Variants in NEO1 observed in about 807,000 individuals in gnomAD.
NEO1 encodes neogenin.
NEO1 carries 63 observed loss-of-function variants against 159.7 expected under a neutral mutation model. That is an observed-to-expected ratio of 0.39 (90% CI 0.32 to 0.49). The LOEUF is 0.49. Among genes scored for constraint, NEO1 ranks in the 20% least tolerant of loss-of-function variants. NEO1 has a pLI of 0.85. For synonymous variants in NEO1, 633 were observed against 662.0 expected (o/e 0.96, Z 0.67); for missense variants, 1,615 against 1,831.0 (o/e 0.88, Z 2.15).
Position 73,258,775 on chromosome 15 carries a change from G to T in NEO1, c.2102G>T (p.Arg701Leu), listed in dbSNP as rs147881215. The T allele has an allele frequency of 2.2e-5, 35 of 1,613,578 alleles. No homozygotes were observed. Among genetic ancestry groups the T allele is most frequent in the African/African-American group, 5.3e-5 (4 of 75,002 alleles). ...QLSQLIEGLDRGTEYNFRVAA... is the reference protein window; with the variant it reads ...QLSQLIEGLDLGTEYNFRVAA... ...TGTCATTTGGTCTCAGGTCTTGATCGGGGGACTGAGTATAATTTCCGAGTG... is the reference window on the plus strand; with the variant it reads ...TGTCATTTGGTCTCAGGTCTTGATCTGGGGACTGAGTATAATTTCCGAGTG... The change falls in exon 14 of 29, where the codon CGG becomes CTG. Residue 701 changes from arginine (R) to leucine (L), a missense_variant. Physicochemically the swap from Arg to Leu is moderately radical, Grantham distance 102 (BLOSUM62 -2). Coordinates refer to ENST00000261908, the MANE Select transcript of NEO1 (RefSeq NM_002499.4).
At chr15:73,285,329 A>G (rs950657671) in intron 23 of NEO1, among the ~76,000 whole-genome samples, 2 of 152,170 alleles carry the variant, frequency 1.3e-5, no homozygotes, top group Non-Finnish European at 2.9e-5. Flanking sequence ...CATGTTGGCC[A>G]GGCTGGTGTC....
At chr15:73,300,347 A>AC (rs2042562796) in intron 27 of NEO1, among the ~76,000 whole-genome samples, 1 of 152,230 alleles carries the variant, frequency 6.6e-6, no homozygotes, top group Non-Finnish European at 1.5e-5. Flanking sequence ...TGTCTCAAGA[A>AC]CCAGTTTGTC....
intron 2 of NEO1, among the ~76,000 whole-genome samples, chr15:73,118,757 C>G (rs1238855896): frequency 6.6e-6 from 1 of 152,110 alleles, no homozygotes; most frequent in Non-Finnish European, 1.5e-5. Context: ...CCCTAGGTAT[C>G]AGGAGTAAAT....
chr15:73,106,577 A>G (rs2070704987), intron 1 of NEO1, among the ~76,000 whole-genome samples: 1 of 152,172 alleles, frequency 6.6e-6, no homozygotes, highest in Non-Finnish European at 1.5e-5. Flanking sequence ...CAATAACTAC[A>G]TGTCACACAT....
Position 73,258,825 on chromosome 15 carries a change from G to A in NEO1, c.2152G>A (p.Gly718Ser), listed in dbSNP as rs1231685993. Residue 718 changes from glycine (G) to serine (S), a missense_variant, in exon 14 of 29, where the codon GGC (glycine) becomes AGC (serine). Gly to Ser is a moderately conservative substitution (Grantham distance 56). Around this residue, in one of 3 missense-constraint regions of NEO1, gnomAD observed 1,018 missense variants for 1,115.4 expected, o/e 0.91. Coordinates refer to ENST00000261908, the MANE Select transcript of NEO1 (RefSeq NM_002499.4). ...RVAALTINGT[G>S]PATDWLSAET... ...GGCTGCTCTAACAATCAATGGTACA[G>A]GCCCGGCAACTGACTGGCTGTCTGC... is the stretch of plus-strand genomic sequence containing the variant. The A allele has an allele frequency of 5.6e-6, 9 of 1,613,808 alleles. No individual in the cohort carries two copies. Among genetic ancestry groups the A allele is most frequent in the African/African-American group, 1.3e-5 (1 of 74,912 alleles).
chr15:73,088,033 C>T (rs1401456173), intron 1 of NEO1, among the ~76,000 whole-genome samples: 1 of 151,980 alleles, frequency 6.6e-6, no homozygotes, highest in Non-Finnish European at 1.5e-5. Context: ...TGCTCACACA[C>T]ATTGCTAAAT....
At chr15:73,061,739 A>G (rs2067988912) in intron 1 of NEO1, among the ~76,000 whole-genome samples, 1 of 152,206 alleles carries the variant, frequency 6.6e-6, no homozygotes, top group African/African-American at 2.4e-5. Context: ...GCTATGGTCT[A>G]TTTTATATAT....
chr15:73,071,934 T>G (rs964236921), intron 1 of NEO1, among the ~76,000 whole-genome samples: 1 of 125,464 alleles, frequency 8.0e-6, no homozygotes, highest in African/African-American at 3.4e-5. Context: ...GCTTTTAATT[T>G]AATTTTGTTT....
chr15:73,183,200 G>A (rs1028440130), intron 7 of NEO1, among the ~76,000 whole-genome samples: 2 of 152,136 alleles, frequency 1.3e-5, no homozygotes, highest in African/African-American at 4.8e-5. Flanking sequence ...ATCTGCAGCT[G>A]CAGAGAGAGA....
At chr15:73,267,236 C>T (rs773400865) in intron 16 of NEO1, among the ~76,000 whole-genome samples, 2 of 151,940 alleles carry the variant, frequency 1.3e-5, no homozygotes, top group African/African-American at 2.4e-5. Context: ...CCAGGCTAGG[C>T]GACAGAGAGA....
intron 1 of NEO1, among the ~76,000 whole-genome samples, chr15:73,101,544 G>A (rs923481384): frequency 3.9e-5 from 6 of 152,174 alleles, no homozygotes; most frequent in African/African-American, 1.4e-4. Flanking sequence ...AGACTGCAAA[G>A]CTCTCTTTGG....
intron 5 of NEO1, among the ~76,000 whole-genome samples, chr15:73,157,146 C>T (rs1454101003): frequency 6.6e-6 from 1 of 152,166 alleles, no homozygotes; most frequent in African/African-American, 2.4e-5. Context: ...CAGCTTAATC[C>T]CAAGCCTCCA....
chr15:73,226,832 T>G (rs77573470), intron 7 of NEO1, among the ~76,000 whole-genome samples: 2,070 of 152,302 alleles, frequency 0.014, 19 homozygotes, highest in Middle Eastern at 0.017. Flanking sequence ...CTTAGAAATT[T>G]TTAAAGAAAT....
At chr15:73,211,590 G>T (rs185355012) in intron 7 of NEO1, among the ~76,000 whole-genome samples, 1 of 152,070 alleles carries the variant, frequency 6.6e-6, no homozygotes, top group Non-Finnish European at 1.5e-5. Context: ...TGGCACATGC[G>T]TGTATTCCCA....
At chr15:73,258,947 G>A in intron 14 of NEO1, 71 bp downstream of exon 14, 1 of 1,332,400 alleles carries the variant, frequency 7.5e-7, no homozygotes, top group Non-Finnish European at 1.1e-6. Flanking sequence ...AAACTGGAAA[G>A]CCACAGACTT....
Position 73,153,653 on chromosome 15 carries a change from G to A in NEO1, c.1015+17626G>A, listed in dbSNP as rs78429391. 1.6e-3 allele frequency among the ~76,000 whole-genome samples: 243 copies of A among 152,264 alleles called. 2 individuals carry two copies. Among genetic ancestry groups the A allele is most frequent in the African/African-American group, 5.2e-3 (215 of 41,548 alleles). On this transcript the variant is annotated intron_variant, in intron 5 of 28. Transcript: ENST00000261908. ...GTAATGGTTGATTTCCAATGATTACGTAATATAATTATACTTTAAATGTAA... is the reference window on the plus strand; with the variant it reads ...GTAATGGTTGATTTCCAATGATTACATAATATAATTATACTTTAAATGTAA...
At chr15:73,247,951 A>T (rs2039881555) in intron 9 of NEO1, among the ~76,000 whole-genome samples, 1 of 152,154 alleles carries the variant, frequency 6.6e-6, no homozygotes, top group Non-Finnish European at 1.5e-5. Flanking sequence ...TGGGTATTGT[A>T]GTAATCTCCT....
intron 7 of NEO1, among the ~76,000 whole-genome samples, chr15:73,224,858 TG>T (rs879278174): frequency 2.0e-5 from 3 of 151,706 alleles, no homozygotes; most frequent in African/African-American, 4.8e-5. Flanking sequence ...TATGATTTTT[TG>T]GGGGGGGTGT....
At chr15:73,263,948 G>T (rs768192226) in intron 15 of NEO1, among the ~76,000 whole-genome samples, 5 of 152,164 alleles carry the variant, frequency 3.3e-5, no homozygotes, top group Non-Finnish European at 4.4e-5. Context: ...CACTTTGGGA[G>T]GCTAAGGCAG....
Sources: allele counts gnomAD v4.1 joint callset (sites outside exome capture counted in the v4.1 genomes callset), GRCh38; gene constraint gnomAD v4.1.1; regional missense constraint gnomAD v4.1.1; transcripts MANE v1.5; gene names NCBI Gene and HGNC (gene_info 2026-07-23, HGNC 2026-07-21).